The following GABRB3 variants were observed in gnomAD, a reference collection of about 807,000 sequenced individuals.
The protein encoded by GABRB3 is gamma-aminobutyric acid type A receptor subunit beta3.
In GABRB3, 14 loss-of-function variants were observed where a neutral mutation model predicts 52.1. That is an observed-to-expected ratio of 0.27 (90% CI 0.18 to 0.42). The LOEUF (loss-of-function observed/expected upper bound fraction) is 0.42. Ranked by LOEUF, GABRB3 falls within the 10% of genes least tolerant of loss-of-function variation. GABRB3 has a pLI of 1.00. For synonymous variants in GABRB3, 260 were observed against 232.3 expected, an observed-to-expected ratio of 1.12 and a Z score of -1.08; for missense variants, 307 against 609.1, an observed-to-expected ratio of 0.50 and a Z score of 5.22.
chr15:26,567,810 T>G, intron 6 of GABRB3, 77 bp from the exon 7 acceptor site: 2 of 1,408,694 alleles, frequency 1.4e-6, no homozygotes, highest in Non-Finnish European at 2.0e-6. Flanking sequence ...CTTCCATAGG[T>G]CAACAACAGG....
Position 26,609,793 on chromosome 15 carries a change from TAA to T in GABRB3, c.461+11519_461+11520del, listed in dbSNP as rs949417706. Among the ~76,000 whole-genome samples the T allele has an allele frequency of 2.6e-5, 4 of 152,270 alleles. No individual in the cohort carries two copies. In the East Asian group the frequency reaches 5.8e-4, roughly 22 times the overall value. On this transcript the variant is annotated intron_variant, in intron 4 of 8. Transcript: ENST00000311550. Reference sequence around the variant, plus strand: ...GAATAAATTTGAAATGTGCTTACCATAAAAAAAGTTTAGTTCAAATACTAGCT... The same window carrying T: ...GAATAAATTTGAAATGTGCTTACCATAAAAAGTTTAGTTCAAATACTAGCT...
At chr15:26,555,387 T>C (rs1410812113) in intron 8 of GABRB3, among the ~76,000 whole-genome samples, 1 of 152,054 alleles carries the variant, frequency 6.6e-6, no homozygotes, top group Non-Finnish European at 1.5e-5. Flanking sequence ...TCGGGTAAAA[T>C]GAATGTTGAC....
intron 3 of GABRB3, among the ~76,000 whole-genome samples, chr15:26,671,661 T>C (rs1210070831): frequency 1.3e-5 from 2 of 152,250 alleles, no homozygotes; most frequent in East Asian, 3.8e-4. Flanking sequence ...TGGGGTAGGC[T>C]TTCCTGCTAG....
At chr15:26,592,499 T>C (rs375008273) in intron 4 of GABRB3, among the ~76,000 whole-genome samples, 48 of 152,286 alleles carry the variant, frequency 3.2e-4, no homozygotes, top group African/African-American at 1.0e-3. Flanking sequence ...GGTTACTAAA[T>C]GTATGAGTGG....
chr15:26,649,412 C>A (rs1392983146), intron 3 of GABRB3, among the ~76,000 whole-genome samples: 2 of 152,184 alleles, frequency 1.3e-5, no homozygotes, highest in Non-Finnish European at 2.9e-5. Flanking sequence ...AGACACTAAA[C>A]CTACTGCCAC....
intron 3 of GABRB3, among the ~76,000 whole-genome samples, chr15:26,751,111 T>C (rs1890495547): frequency 6.6e-6 from 1 of 152,188 alleles, no homozygotes; most frequent in Non-Finnish European, 1.5e-5. Context: ...ATGCTGAAAC[T>C]ATGTGATGCG....
At chr15:26,554,190 A>AAAGTATATATAT (rs1567097853) in intron 8 of GABRB3, among the ~76,000 whole-genome samples, 2 of 31,532 alleles carry the variant, frequency 6.3e-5, no homozygotes, top group African/African-American at 1.7e-4. Flanking sequence ...ATATATATAT[A>AAAGTATATATAT]CTATATATAT....
intron 3 of GABRB3, among the ~76,000 whole-genome samples, chr15:26,721,963 G>T (rs112745488): frequency 0.024 from 3,715 of 152,144 alleles, 151 homozygotes; most frequent in African/African-American, 0.085. Context: ...TTTTCTAACT[G>T]TAGTTCCACA....
intron 8 of GABRB3, among the ~76,000 whole-genome samples, chr15:26,554,174 A>AAGAGTG (rs1287093745): frequency 3.6e-5 from 1 of 27,584 alleles, no homozygotes; most frequent in Non-Finnish European, 6.9e-5. Flanking sequence ...TATATATATA[A>AAGAGTG]AGTATATATA....
intron 3 of GABRB3, among the ~76,000 whole-genome samples, chr15:26,725,833 C>A (rs1889757434): frequency 6.6e-6 from 1 of 152,140 alleles, no homozygotes; most frequent in East Asian, 1.9e-4. Flanking sequence ...TAATTTTGTG[C>A]ATGAAACAAA....
intron 3 of GABRB3, among the ~76,000 whole-genome samples, chr15:26,729,487 T>C (rs776457435): frequency 8.5e-5 from 13 of 152,262 alleles, no homozygotes; most frequent in African/African-American, 1.7e-4. Context: ...GCCAAGCTAA[T>C]GGCTAGCCTT....
intron 3 of GABRB3, among the ~76,000 whole-genome samples, chr15:26,670,308 A>C (rs1887853363): frequency 6.6e-6 from 1 of 152,148 alleles, no homozygotes; most frequent in African/African-American, 2.4e-5. Context: ...CCCGGGACAC[A>C]GTCTGCAGCA....
At chr15:26,667,215 G>T (rs1390178246) in intron 3 of GABRB3, among the ~76,000 whole-genome samples, 1 of 152,200 alleles carries the variant, frequency 6.6e-6, no homozygotes, top group Non-Finnish European at 1.5e-5. Flanking sequence ...GCGCAGCCAC[G>T]ATTCCAGCCA....
At chr15:26,707,793 T>C (rs1193584355) in intron 3 of GABRB3, among the ~76,000 whole-genome samples, 1 of 152,020 alleles carries the variant, frequency 6.6e-6, no homozygotes, top group African/African-American at 2.4e-5. Context: ...TTCAGCATAA[T>C]GATGGGGCAG....
intron 8 of GABRB3, among the ~76,000 whole-genome samples, chr15:26,558,167 C>T (rs1288052086): frequency 6.6e-6 from 1 of 152,138 alleles, no homozygotes; most frequent in Non-Finnish European, 1.5e-5. Context: ...GGATGTGGAC[C>T]TATTTAGAAA....
intron 6 of GABRB3, among the ~76,000 whole-genome samples, chr15:26,573,660 AAC>A (rs1309997755): frequency 1.3e-5 from 2 of 152,250 alleles, no homozygotes; most frequent in African/African-American, 2.4e-5. Context: ...AAAAATTAAA[AAC>A]AGTTATGCTC....
chr15:26,570,173 G>T (rs1890340371), intron 6 of GABRB3, among the ~76,000 whole-genome samples: 1 of 152,194 alleles, frequency 6.6e-6, no homozygotes, highest in African/African-American at 2.4e-5. Flanking sequence ...TCACAATACA[G>T]ATCTACCTGC....
chr15:26,621,651 C>A lies in GABRB3; in HGVS notation c.241-117G>T, dbSNP rs531158734. ...CTCTACAGTGAATAACCAGGAGAAA[C>A]GGATGCCATTTTTATGCAGAATGGG... is the stretch of plus-strand genomic sequence containing the variant. On this transcript the variant is annotated intron_variant, in intron 3 of 8. Coordinates refer to ENST00000311550, the MANE Select transcript of GABRB3 (RefSeq NM_000814.6). This position sits in a 1 kb window ranked among gnomAD's most constrained non-coding sequence, Gnocchi z 4.1. The A allele has an allele frequency of 1.3e-6, 1 of 750,086 alleles. No individual in the cohort carries two copies. The highest frequency in any genetic ancestry group is 2.2e-6 in the Non-Finnish European group (1 of 451,630). The allele number at this position is 750,086 out of a possible 1,614,324, so 46.5% of individuals were successfully genotyped here.
intron 3 of GABRB3, among the ~76,000 whole-genome samples, chr15:26,691,285 G>A (rs1340590377): frequency 6.6e-6 from 1 of 152,082 alleles, no homozygotes; most frequent in Non-Finnish European, 1.5e-5. Context: ...GCAAAGAAAT[G>A]ATTTCTTTAT....
Sources: gnomAD v4.1 joint callset for allele counts (sites outside exome capture counted in the v4.1 genomes callset) on GRCh38, gnomAD v4.1.1 for gene constraint, Gnocchi (gnomAD v3.1) non-coding constraint, MANE v1.5 for transcripts, NCBI Gene and HGNC (gene_info 2026-07-23, HGNC 2026-07-21) for gene names.